NCAPG: variants seen among roughly 807,000 people sequenced by gnomAD.
NCAPG encodes non-SMC condensin I complex subunit G.
A neutral mutation model predicts 113.1 loss-of-function variants in NCAPG; 69 were observed. The ratio of observed to expected loss-of-function variants is 0.61; its 90% CI spans 0.50 to 0.75. The LOEUF is 0.75. NCAPG is among the 30% of genes least tolerant of loss of function. The pLI is 0.00. For synonymous variants in NCAPG, 370 were observed against 415.8 expected, an observed-to-expected ratio of 0.89 and a Z score of 1.34; for missense variants, 1,058 against 1,177.0, an observed-to-expected ratio of 0.90 and a Z score of 1.48.
intron 5 of NCAPG, among the ~76,000 whole-genome samples, chr4:17,816,384 C>T (rs1194235752): frequency 3.3e-5 from 5 of 152,162 alleles, no homozygotes; most frequent in Non-Finnish European, 7.3e-5. Flanking sequence ...TAACAGGCCA[C>T]AGACTGGTAC....
In NCAPG at chr4:17,843,474, T is replaced by G; in HGVS notation, c.*49T>G. 1 of 1,589,250 alleles carries G rather than the reference T, an allele frequency of 6.3e-7. No homozygotes were observed. On this transcript the variant is annotated 3_prime_UTR_variant, in exon 21 of 21. Transcript: ENST00000251496. ...TTTAAGATTATGTCCAGTTATTTGC[T>G]TTAATAAAGAAGAAGTTACCCTTGT...
Position 17,843,496 on chromosome 4 carries a change from T to A in NCAPG, c.*71T>A. On this transcript the variant is annotated 3_prime_UTR_variant, in exon 21 of 21. Coordinates refer to ENST00000251496, the MANE Select transcript of NCAPG (RefSeq NM_022346.5). ...TGCTTTAATAAAGAAGAAGTTACCC[T>A]TGTCAAAATCAGAACAAACCTGATG... 1 of 1,541,268 alleles carries A rather than the reference T, an allele frequency of 6.5e-7. No individual in the cohort carries two copies. The highest frequency in any genetic ancestry group is 8.8e-7 in the Non-Finnish European group (1 of 1,130,904).
intron 14 of NCAPG, among the ~76,000 whole-genome samples, chr4:17,835,184 T>C (rs1045536496): frequency 4.6e-5 from 7 of 152,164 alleles, no homozygotes; most frequent in African/African-American, 1.4e-4. Context: ...TAGTTTTTCA[T>C]TGAGTTAGAA....
chr4:17,837,176 T>A lies in NCAPG; in HGVS notation c.2127T>A (p.Thr709=). ...TTTGTTAGGTATCTGAACTTAGGAC[T>A]GGAGCTGCAGAAGGACTAGCCAAGC... is the stretch of plus-strand genomic sequence containing the variant. ...FLDSEVSELR[T]GAAEGLAKLM... Residue 709 remains threonine (T), a synonymous_variant, in exon 15 of 21, where the codon ACT becomes ACA. Coordinates refer to ENST00000251496, the MANE Select transcript of NCAPG (RefSeq NM_022346.5). 3.7e-6 allele frequency: 6 copies of A among 1,613,648 alleles called. No individual in the cohort carries two copies. Among genetic ancestry groups the A allele is most frequent in the Non-Finnish European group, 5.1e-6 (6 of 1,179,790 alleles).
At chr4:17,824,092 C>T (rs1289661062) in intron 9 of NCAPG, among the ~76,000 whole-genome samples, 1 of 152,080 alleles carries the variant, frequency 6.6e-6, no homozygotes, top group Admixed American at 6.5e-5. Context: ...TCAAATTGTA[C>T]ATACTAGGGT....
intron 7 of NCAPG, 45 bp downstream of exon 7, chr4:17,818,133 A>G: frequency 6.5e-7 from 1 of 1,549,586 alleles, no homozygotes; most frequent in Non-Finnish European, 8.7e-7. Flanking sequence ...GTGTTGCTGC[A>G]TGTGTCAATC....
At chr4:17,824,890 T>C in intron 9 of NCAPG, 78 bp from the exon 10 acceptor site, 1 of 965,660 alleles carries the variant, frequency 1.0e-6, no homozygotes, top group Non-Finnish European at 1.6e-6. Flanking sequence ...TGGATACTAC[T>C]TGGAGTTTTA....
At chr4:17,840,493 A>G in intron 18 of NCAPG, 114 bp from the exon 19 acceptor site, 1 of 644,644 alleles carries the variant, frequency 1.6e-6, no homozygotes, top group Non-Finnish European at 2.3e-6. Flanking sequence ...ACTTTTCACT[A>G]GCTGCTAGAA....
intron 19 of NCAPG, 56 bp downstream of exon 19, chr4:17,840,749 G>C: frequency 1.7e-6 from 2 of 1,155,102 alleles, no homozygotes; most frequent in Non-Finnish European, 2.4e-6. Flanking sequence ...ATCTTCCAAT[G>C]AAAAATACTT....
chr4:17,822,097 A>G (rs1447206192), intron 7 of NCAPG, among the ~76,000 whole-genome samples: 1 of 152,146 alleles, frequency 6.6e-6, no homozygotes, highest in South Asian at 2.1e-4. Flanking sequence ...ATTTTTTTCA[A>G]AAAAGATAAT....
intron 13 of NCAPG, among the ~76,000 whole-genome samples, chr4:17,834,098 G>A (rs16895845): frequency 0.12 from 17,596 of 152,034 alleles, 1,133 homozygotes; most frequent in South Asian, 0.24. Flanking sequence ...TCTATTATAT[G>A]TTATGGTTCA....
Position 17,820,616 on chromosome 4 carries a change from A to C in NCAPG, c.1119-2367A>C, listed in dbSNP as rs150123834. 2.5e-3 allele frequency among the ~76,000 whole-genome samples: 375 copies of C among 152,288 alleles called. 2 individuals are homozygous for C. The highest frequency in any genetic ancestry group is 8.4e-3 in the African/African-American group (350 of 41,560). ...GACTCCGTCTCAAAAAAAACAAAAA[A>C]AAGAAAACTTTCAGAAATTTATTTT... On this transcript the variant is annotated intron_variant, in intron 7 of 20. Transcript: ENST00000251496.
At position 17,834,303 on chromosome 4, in the gene NCAPG, T is replaced by C; in HGVS notation, c.1889T>C (p.Leu630Ser). 1 of 1,579,150 alleles carries C rather than the reference T, an allele frequency of 6.3e-7. No homozygotes were observed. The highest frequency in any genetic ancestry group is 8.6e-7 in the Non-Finnish European group (1 of 1,163,352). The change falls in exon 14 of 21, where the codon TTG becomes TCG. Residue 630 changes from leucine (L) to serine (S), a missense_variant. Physicochemically the swap from Leu to Ser is moderately radical, Grantham distance 145. Coordinates refer to ENST00000251496, the MANE Select transcript of NCAPG (RefSeq NM_022346.5). The part of the protein sequence containing the change: ...RKHFVLLLQV[L>S]QIDDVTIKIS... The stretch of plus-strand genomic sequence containing the variant: ...GTGGGGAATATCTTGATTTAGGTTT[T>C]GCAAATTGATGATGTCACAATAAAA...
At position 17,811,775 on chromosome 4, in the gene NCAPG, G is replaced by A. The variant is rs573623524; in HGVS notation, c.112-446G>A. Among the ~76,000 whole-genome samples, 1 of 152,280 alleles carries A rather than the reference G, an allele frequency of 6.6e-6. No homozygotes were observed. The highest frequency in any genetic ancestry group is 2.4e-5 in the African/African-American group (1 of 41,560). ...ATTTGGGGAAGATGAATTATCTTGA[G>A]GTCCAAGAAAAATTGTGAGTAAACA... is the stretch of plus-strand genomic sequence containing the variant. On this transcript the variant is annotated intron_variant, in intron 1 of 20. Transcript: ENST00000251496. This position sits in a 1 kb window ranked among gnomAD's most constrained non-coding sequence, Gnocchi z 5.3.
chr4:17,813,630 A>G (rs1424170950), intron 3 of NCAPG, among the ~76,000 whole-genome samples: 2 of 152,122 alleles, frequency 1.3e-5, no homozygotes, highest in Non-Finnish European at 2.9e-5. Flanking sequence ...CTTGGGTTAT[A>G]TGAATTGTAG....
At chr4:17,834,186 ACT>A (rs1266356856) in intron 13 of NCAPG, 111 bp from the exon 14 acceptor site, 11 of 625,652 alleles carry the variant, frequency 1.8e-5, no homozygotes, top group Non-Finnish European at 2.7e-5. Flanking sequence ...TAGACTAGAC[ACT>A]GTCATTAAAA....
At position 17,814,781 on chromosome 4, in the gene NCAPG, A is replaced by G. The variant is rs1008339908; in HGVS notation, c.545-72A>G. ...ATTAAAGGCATTTTAAAATATCAAA[A>G]TGTGTGTTATTTTATGACTGTAGTT... On this transcript the variant is annotated intron_variant, in intron 3 of 20. Transcript: ENST00000251496. 5 of 1,466,620 alleles carry G rather than the reference A, an allele frequency of 3.4e-6. No homozygotes were observed. The African/African-American group carries it at 4.2e-5, about 12-fold the overall frequency. The allele number at this position is 1,466,620 out of a possible 1,614,324, so 90.9% of individuals were successfully genotyped here. A position where few individuals can be genotyped will look rare whatever the true frequency, so the allele number is the denominator to read the frequency against.
chr4:17,843,591 C>A lies in NCAPG; in HGVS notation c.*166C>A. 1.6e-6 allele frequency: 1 copy of A among 610,580 alleles called. No individual in the cohort carries two copies. The highest frequency in any genetic ancestry group is 2.8e-6 in the Non-Finnish European group (1 of 363,474). The allele number at this position is 610,580 out of a possible 1,614,324, so 37.8% of individuals were successfully genotyped here. On this transcript the variant is annotated 3_prime_UTR_variant, in exon 21 of 21. Transcript: ENST00000251496. Reference sequence around the variant, plus strand: ...CTGTATTAAAGCAGTAGAGCAGCATCAGTTATTATAGTCCAGAAAAAGTGT... The same window carrying A: ...CTGTATTAAAGCAGTAGAGCAGCATAAGTTATTATAGTCCAGAAAAAGTGT...
intron 16 of NCAPG, among the ~76,000 whole-genome samples, chr4:17,838,358 T>C (rs1343305666): frequency 6.6e-6 from 1 of 152,242 alleles, no homozygotes; most frequent in African/African-American, 2.4e-5. Flanking sequence ...TACTCTATTT[T>C]ATTTGATATT....
Sources: allele counts gnomAD v4.1 joint callset (sites outside exome capture counted in the v4.1 genomes callset), GRCh38; gene constraint gnomAD v4.1.1; non-coding constraint Gnocchi (gnomAD v3.1); transcripts MANE v1.5; gene names NCBI Gene and HGNC (gene_info 2026-07-23, HGNC 2026-07-21).